The following EML6 variants were observed in gnomAD, a reference collection of about 807,000 sequenced individuals.
EML6 encodes the protein echinoderm microtubule-associated protein-like 6.
In EML6, 154 loss-of-function variants were observed where a neutral mutation model predicts 240.1. The observed-to-expected ratio is 0.64, with a 90% CI of 0.56 to 0.73. The LOEUF (loss-of-function observed/expected upper bound fraction) is 0.73. Among genes scored for constraint, EML6 ranks in the 30% least tolerant of loss-of-function variants. The pLI is 0.00. For missense variants in EML6, 2,964 were observed against 2,474.6 expected, an observed-to-expected ratio of 1.20 and a Z score of -4.20; for synonymous variants, 1,148 against 899.0, an observed-to-expected ratio of 1.28 and a Z score of -4.95.
chr2:54,767,642 G>A (rs2103788625), intron 2 of EML6, among the ~76,000 whole-genome samples: 1 of 150,844 alleles, frequency 6.6e-6, no homozygotes, highest in African/African-American at 2.4e-5. Flanking sequence ...ATGTGTGTGT[G>A]TGTATGTTGC....
intron 24 of EML6, among the ~76,000 whole-genome samples, chr2:54,909,759 G>A (rs1047806602): frequency 1.3e-5 from 2 of 149,532 alleles, no homozygotes; most frequent in Non-Finnish European, 3.0e-5. Context: ...CAAGAGAATC[G>A]CTTGAACTTG....
chr2:54,883,678 A>G (rs932531148), intron 17 of EML6, among the ~76,000 whole-genome samples: 1 of 152,152 alleles, frequency 6.6e-6, no homozygotes, highest in Non-Finnish European at 1.5e-5. Flanking sequence ...GCCATCTAAG[A>G]TCTGACAAAC....
At chr2:54,877,919 T>C (rs1671596416) in intron 16 of EML6, among the ~76,000 whole-genome samples, 2 of 152,220 alleles carry the variant, frequency 1.3e-5, no homozygotes, top group African/African-American at 4.8e-5. Flanking sequence ...GAGACTACCA[T>C]TTCCAGTTGG....
chr2:54,738,119 T>C (rs1178112624), intron 2 of EML6, among the ~76,000 whole-genome samples: 1 of 152,352 alleles, frequency 6.6e-6, no homozygotes, highest in African/African-American at 2.4e-5. Flanking sequence ...TGTTTTTTTT[T>C]CCTTAGTATT....
At chr2:54,810,471 C>T (rs1469588878) in intron 2 of EML6, among the ~76,000 whole-genome samples, 1 of 152,110 alleles carries the variant, frequency 6.6e-6, no homozygotes, top group Admixed American at 6.5e-5. Context: ...CTGCTCGGAG[C>T]AGTGATTTAT....
Position 54,892,594 on chromosome 2 carries a change from C to A in EML6, c.2680C>A (p.Leu894Ile). ...TGDIFIWKDI[L>I]LLKTVKAHDG... ...AGATATTTTTATTTGGAAAGACATTCTACTACTGAAGACAGTGAAAGCTCA... is the reference window on the plus strand; with the variant it reads ...AGATATTTTTATTTGGAAAGACATTATACTACTGAAGACAGTGAAAGCTCA... The change falls in exon 19 of 42, where the codon CTA (leucine) becomes ATA (isoleucine). Residue 894 changes from leucine to isoleucine, a missense_variant. By Grantham distance (5) the Leu-to-Ile change is conservative. Transcript: ENST00000356458. The A allele has an allele frequency of 1.9e-6, 3 of 1,551,732 alleles. No homozygotes were observed. The highest frequency in any genetic ancestry group is 1.4e-5 in the African/African-American group (1 of 73,140).
intron 2 of EML6, among the ~76,000 whole-genome samples, chr2:54,784,481 C>G (rs1668990861): frequency 6.6e-6 from 1 of 152,106 alleles, no homozygotes; most frequent in Admixed American, 6.5e-5. Flanking sequence ...GTATAGCCTG[C>G]TTTGCCAATA....
chr2:54,850,513 A>G (rs1241475928), intron 10 of EML6, among the ~76,000 whole-genome samples: 1 of 152,174 alleles, frequency 6.6e-6, no homozygotes, highest in Non-Finnish European at 1.5e-5. Context: ...AATTCTTGCC[A>G]TTGTTATAAT....
At chr2:54,764,936 C>T (rs1427695925) in intron 2 of EML6, among the ~76,000 whole-genome samples, 2 of 152,150 alleles carry the variant, frequency 1.3e-5, no homozygotes, top group African/African-American at 2.4e-5. Flanking sequence ...GGATTGTTGG[C>T]ATTTGATTAG....
intron 11 of EML6, among the ~76,000 whole-genome samples, chr2:54,856,260 A>G (rs966397089): frequency 2.6e-5 from 4 of 152,216 alleles, no homozygotes; most frequent in Non-Finnish European, 5.9e-5. Flanking sequence ...GACCATCGCC[A>G]CACAGACACT....
chr2:54,786,835 C>T (rs1394013215), intron 2 of EML6, among the ~76,000 whole-genome samples: 1 of 152,200 alleles, frequency 6.6e-6, no homozygotes, highest in Non-Finnish European at 1.5e-5. Flanking sequence ...CACAGGTTCC[C>T]CAAATATATA....
chr2:54,826,302 T>A (rs911085832), intron 5 of EML6, among the ~76,000 whole-genome samples: 3 of 152,204 alleles, frequency 2.0e-5, no homozygotes, highest in Non-Finnish European at 4.4e-5. Context: ...GGGGGGGCTA[T>A]ATCAAGGGCA....
At chr2:54,800,176 TAG>T (rs1670050297) in intron 2 of EML6, among the ~76,000 whole-genome samples, 1 of 150,476 alleles carries the variant, frequency 6.6e-6, no homozygotes, top group African/African-American at 2.4e-5. Flanking sequence ...ACCCAGGAGG[TAG>T]AGGTTGCAGT....
intron 2 of EML6, among the ~76,000 whole-genome samples, chr2:54,804,905 C>A (rs570704347): frequency 9.2e-5 from 14 of 152,332 alleles, no homozygotes; most frequent in African/African-American, 2.9e-4. Context: ...ACCATTCTTA[C>A]ATCACTTTTC....
At chr2:54,929,692 ACCTCCT>A (rs67666233) in intron 28 of EML6, among the ~76,000 whole-genome samples, 47,844 of 142,852 alleles carry the variant, frequency 0.33, 7,976 homozygotes, top group Non-Finnish European at 0.37. Context: ...AAGAAATGTA[ACCTCCT>A]CCTCCTCCTC....
rs74840055 is a variant in EML6, at chr2:54,884,401, A to C, written c.2438+4761A>C. Reference sequence around the variant, plus strand: ...TTACTGGAGGCTTCATTACATAGGCATGATTGGTTTACCAACTGGCGATGG... The same window carrying C: ...TTACTGGAGGCTTCATTACATAGGCCTGATTGGTTTACCAACTGGCGATGG... On this transcript the variant is annotated intron_variant, in intron 17 of 41. Coordinates refer to ENST00000356458, the MANE Select transcript of EML6 (RefSeq NM_001039753.4). Among the ~76,000 whole-genome samples the C allele has an allele frequency of 2.5e-4, 38 of 152,282 alleles. 1 individual carries two copies. In the East Asian group the frequency reaches 7.0e-3, roughly 28 times the overall value.
chr2:54,743,455 A>G (rs1161042813), intron 2 of EML6, among the ~76,000 whole-genome samples: 2 of 152,230 alleles, frequency 1.3e-5, no homozygotes, highest in Admixed American at 6.5e-5. Context: ...TCAAAGACGT[A>G]TTTTATATAT....
chr2:54,841,453 G>A (rs754898615), intron 7 of EML6, among the ~76,000 whole-genome samples: 2 of 152,032 alleles, frequency 1.3e-5, no homozygotes, highest in African/African-American at 2.4e-5. Context: ...CTTAATAAAT[G>A]CATTTATCTC....
At chr2:54,911,686 G>A (rs1412996036) in intron 25 of EML6, among the ~76,000 whole-genome samples, 4 of 152,010 alleles carry the variant, frequency 2.6e-5, no homozygotes, top group African/African-American at 9.7e-5. Context: ...ATCCGCCCAC[G>A]TCAGCCTCCC....
Sources: allele counts gnomAD v4.1 joint callset (sites outside exome capture counted in the v4.1 genomes callset), GRCh38; gene constraint gnomAD v4.1.1; transcripts MANE v1.5; gene names NCBI Gene and HGNC (gene_info 2026-07-23, HGNC 2026-07-21).